TPST2: variants seen among roughly 807,000 people sequenced by gnomAD.
The protein encoded by TPST2 is protein-tyrosine sulfotransferase 2.
Under a neutral mutation model 27.8 loss-of-function variants are expected in TPST2, and 16 were observed. That is an observed-to-expected ratio of 0.58 (90% CI 0.39 to 0.88). TPST2 has a LOEUF of 0.88. TPST2 is among the 40% of genes least tolerant of loss of function. The pLI is 0.00. For missense variants in TPST2, 464 were observed against 543.1 expected (o/e 0.85, Z 1.45); for synonymous variants, 229 against 231.7 (o/e 0.99, Z 0.10).
intron 4 of TPST2, among the ~76,000 whole-genome samples, chr22:26,534,672 T>G (rs1266852751): frequency 6.6e-6 from 1 of 152,198 alleles, no homozygotes; most frequent in Admixed American, 6.5e-5. Context: ...ACTACTGCAG[T>G]GTCCCCAGCC....
chr22:26,533,269 G>T (rs1306854072), intron 4 of TPST2, among the ~76,000 whole-genome samples: 1 of 152,048 alleles, frequency 6.6e-6, no homozygotes. Context: ...AAAATTAGCT[G>T]GGCATGGTGG....
chr22:26,586,658 G>A lies in TPST2; in HGVS notation c.-161+3395C>T, dbSNP rs1434407659. ...GTGCCAGATACAGCGGCTGGGAGGCGTGGTCTTAACACCATTCCCAAACAG... is the reference window on the plus strand; with the variant it reads ...GTGCCAGATACAGCGGCTGGGAGGCATGGTCTTAACACCATTCCCAAACAG... On this transcript the variant is annotated intron_variant, in intron 1 of 6. Transcript: ENST00000338754. 6.2e-5 allele frequency among the ~76,000 whole-genome samples: 9 copies of A among 145,784 alleles called. No homozygotes were observed. The South Asian group carries it at 1.1e-3, about 17-fold the overall frequency.
chr22:26,561,179 T>C, intron 1 of TPST2: 1 of 1,572,602 alleles, frequency 6.4e-7, no homozygotes, highest in Non-Finnish European at 8.6e-7. Flanking sequence ...CTAGCGCAGT[T>C]TTTTTTTTCT....
intron 1 of TPST2, among the ~76,000 whole-genome samples, chr22:26,572,892 A>G (rs755712177): frequency 3.2e-4 from 48 of 151,770 alleles, no homozygotes; most frequent in Non-Finnish European, 5.9e-5. Flanking sequence ...GTTTCCTCAG[A>G]TATCAGGGAG....
chr22:26,549,687 A>C (rs1388917698), intron 1 of TPST2, among the ~76,000 whole-genome samples: 19 of 149,602 alleles, frequency 1.3e-4, no homozygotes, highest in Admixed American at 3.4e-4. Context: ...AAAAAGAAAA[A>C]AGAAAAAAAA....
intron 1 of TPST2, among the ~76,000 whole-genome samples, chr22:26,576,052 AAATG>A (rs1927823516): frequency 6.6e-6 from 1 of 151,992 alleles, no homozygotes; most frequent in Non-Finnish European, 1.5e-5. Context: ...AAATAAAATA[AAATG>A]AAGATGCAAA....
chr22:26,570,045 C>CAGACAGAA (rs1927565458), intron 1 of TPST2, among the ~76,000 whole-genome samples: 2 of 96,948 alleles, frequency 2.1e-5, no homozygotes, highest in African/African-American at 7.6e-5. Flanking sequence ...GAAAGAAAGA[C>CAGACAGAA]AGAAAGAAAG....
intron 1 of TPST2, among the ~76,000 whole-genome samples, chr22:26,585,435 C>T (rs1363794592): frequency 6.6e-6 from 1 of 152,192 alleles, no homozygotes; most frequent in East Asian, 1.9e-4. Flanking sequence ...ACAAATCCTC[C>T]TCTGGCTGCA....
chr22:26,527,555 T>C (rs1024455920), intron 6 of TPST2, among the ~76,000 whole-genome samples: 19 of 152,202 alleles, frequency 1.2e-4, no homozygotes, highest in Non-Finnish European at 4.4e-5. Context: ...CACCCCTTAG[T>C]AGAATATGGA....
intron 1 of TPST2, among the ~76,000 whole-genome samples, chr22:26,550,051 C>CA (rs67469484): frequency 0.36 from 52,028 of 144,588 alleles, 9,720 homozygotes; most frequent in African/African-American, 0.44. Context: ...AAAAAAAAAA[C>CA]AAAAAAAACA....
At chr22:26,581,433 G>A (rs1015630160) in intron 1 of TPST2, among the ~76,000 whole-genome samples, 1 of 152,198 alleles carries the variant, frequency 6.6e-6, no homozygotes, top group Non-Finnish European at 1.5e-5. Context: ...GTAAACAGAA[G>A]GATGGATTGA....
At chr22:26,550,048 AAAC>A (rs1182499086) in intron 1 of TPST2, among the ~76,000 whole-genome samples, 1 of 126,164 alleles carries the variant, frequency 7.9e-6, no homozygotes, top group Non-Finnish European at 1.7e-5. Flanking sequence ...TCAAAAAAAA[AAAC>A]AAAAAAAACA....
intron 1 of TPST2, among the ~76,000 whole-genome samples, chr22:26,564,064 G>A (rs1927259951): frequency 6.6e-6 from 1 of 152,154 alleles, no homozygotes; most frequent in South Asian, 2.1e-4. Flanking sequence ...ACTTTGTGTT[G>A]CCGGAGGTTG....
chr22:26,578,073 C>T (rs939497763), intron 1 of TPST2, among the ~76,000 whole-genome samples: 3 of 152,050 alleles, frequency 2.0e-5, no homozygotes, highest in African/African-American at 7.2e-5. Flanking sequence ...TAAGAATTAC[C>T]AAAAGGAATT....
rs566828127 is a variant in TPST2, at chr22:26,564,703, T to C, written c.-160-20028A>G. Among the ~76,000 whole-genome samples the C allele has an allele frequency of 2.6e-5, 4 of 152,276 alleles. No homozygotes were observed. In the South Asian group the frequency reaches 8.3e-4, roughly 32 times the overall value. On this transcript the variant is annotated intron_variant, in intron 1 of 6. Coordinates refer to ENST00000338754, the MANE Select transcript of TPST2 (RefSeq NM_003595.5). The stretch of plus-strand genomic sequence containing the variant: ...GGTGCTCTGTTACTTTTATTCAACT[T>C]ACTATAGCCTCACAGCAGCTGACTG...
At chr22:26,533,009 T>C (rs935827150) in intron 4 of TPST2, among the ~76,000 whole-genome samples, 2 of 151,912 alleles carry the variant, frequency 1.3e-5, no homozygotes, top group African/African-American at 4.8e-5. Context: ...ACAAGAAAAA[T>C]AAACACAGAT....
At chr22:26,574,836 A>C (rs760456167) in intron 1 of TPST2, among the ~76,000 whole-genome samples, 16 of 152,086 alleles carry the variant, frequency 1.1e-4, no homozygotes, top group Non-Finnish European at 2.4e-4. Context: ...GGGACTTGCC[A>C]CCAACCAGGA....
Position 26,541,494 on chromosome 22 carries a change from C to T in TPST2, c.137G>A (p.Arg46Gln), listed in dbSNP as rs374368212. 12 of 1,611,778 alleles carry T rather than the reference C, an allele frequency of 7.4e-6. No individual in the cohort carries two copies. Among genetic ancestry groups the T allele is most frequent in the African/African-American group, 5.3e-5 (4 of 74,906 alleles). ...CATCACCAGCTCCTCCTGCTCAGGC[C>T]GCATGGCCCCCCGGGGGCTCCGCAG... ...AGLRSPRGAM[R>Q]PEQEELVMVG... The change falls in exon 3 of 7, where the codon CGG (arginine) becomes CAG (glutamine). Residue 46 changes from arginine to glutamine, a missense_variant. By Grantham distance (43) the Arg-to-Gln change is conservative (BLOSUM62 1). Coordinates refer to ENST00000338754, the MANE Select transcript of TPST2 (RefSeq NM_003595.5). This position sits in a 1 kb window ranked among gnomAD's most constrained non-coding sequence, Gnocchi z 5.9.
Position 26,561,008 on chromosome 22 carries a change from A to G in TPST2, c.-160-16333T>C. ...AAAAATACGAAAAGGATATTGCTGC[A>G]TATCGAGCTAAAGGAAAGCCTGATG... On this transcript the variant is annotated intron_variant, in intron 1 of 6. Coordinates refer to ENST00000338754, the MANE Select transcript of TPST2 (RefSeq NM_003595.5). The G allele has an allele frequency of 2.5e-6, 4 of 1,606,744 alleles. No homozygotes were observed. The Admixed American group carries it at 6.7e-5, about 27-fold the overall frequency.
Sources: gnomAD v4.1 joint callset for allele counts (sites outside exome capture counted in the v4.1 genomes callset) on GRCh38, gnomAD v4.1.1 for gene constraint, Gnocchi (gnomAD v3.1) non-coding constraint, MANE v1.5 for transcripts, NCBI Gene and HGNC (gene_info 2026-07-23, HGNC 2026-07-21) for gene names.